Variants in GRAMD2A observed in about 807,000 individuals in gnomAD.
The protein encoded by GRAMD2A is GRAM domain-containing protein 2A.
GRAMD2A carries 37 observed loss-of-function variants against 51.1 expected under a neutral mutation model. The observed-to-expected ratio is 0.72, with a 90% CI of 0.56 to 0.95. GRAMD2A has a LOEUF of 0.95. Ranked by LOEUF, GRAMD2A falls within the 40% of genes least tolerant of loss-of-function variation. The probability of loss-of-function intolerance (pLI) is 0.00; values close to 1 mark genes in which losing one functional copy is unlikely to be tolerated. For missense variants in GRAMD2A, 414 were observed against 426.9 expected, an observed-to-expected ratio of 0.97 and a Z score of 0.27; for synonymous variants, 136 against 157.1, an observed-to-expected ratio of 0.87 and a Z score of 1.01.
chr15:72,181,981 A>G (rs575142591), intron 1 of GRAMD2A, among the ~76,000 whole-genome samples: 18 of 152,344 alleles, frequency 1.2e-4, no homozygotes, highest in African/African-American at 3.6e-4. Context: ...GGGGGAAATA[A>G]AAGTCTTTTC....
chr15:72,160,329 G>C lies in GRAMD2A; in HGVS notation c.*1680C>G, dbSNP rs1367729218. ...ACGGATGAAAGGGTGAAAGGGGCTG[G>C]TTCCAAAAAAAAAAAAAAAAAAAGG... On this transcript the variant is annotated 3_prime_UTR_variant, in exon 12 of 12. Transcript: ENST00000309731. The C allele has an allele frequency of 2.3e-5, 2 of 85,160 alleles. No homozygotes were observed. The highest frequency in any genetic ancestry group is 4.7e-5 in the Non-Finnish European group (2 of 42,486). The allele number at this position is 85,160 out of a possible 1,614,324, so 5.3% of individuals were successfully genotyped here. A position where few individuals can be genotyped will look rare whatever the true frequency, so the allele number is the denominator to read the frequency against.
chr15:72,187,151 ACT>A (rs1331376562), intron 1 of GRAMD2A, among the ~76,000 whole-genome samples: 1 of 150,882 alleles, frequency 6.6e-6, no homozygotes, highest in East Asian at 1.9e-4. Flanking sequence ...CAAGAGCAAA[ACT>A]CTGTCTCAAA....
chr15:72,163,841 T>C, intron 8 of GRAMD2A, 84 bp from the exon 9 acceptor site: 1 of 1,432,056 alleles, frequency 7.0e-7, no homozygotes, highest in Non-Finnish European at 9.5e-7. Context: ...TTTATCAGAG[T>C]TTTCTCCAGA....
At chr15:72,172,182 A>C (rs532406962) in intron 1 of GRAMD2A, among the ~76,000 whole-genome samples, 1 of 150,872 alleles carries the variant, frequency 6.6e-6, no homozygotes, top group Non-Finnish European at 1.5e-5. Context: ...ACAGTGGCGC[A>C]ATCTTGGTTC....
At chr15:72,195,529 C>T (rs181278426) in intron 1 of GRAMD2A, among the ~76,000 whole-genome samples, 4 of 152,084 alleles carry the variant, frequency 2.6e-5, no homozygotes, top group Admixed American at 6.5e-5. Flanking sequence ...TGGGTACTGC[C>T]GACCTCAACC....
chr15:72,197,442 C>T (rs2081817002), intron 1 of GRAMD2A, among the ~76,000 whole-genome samples: 1 of 152,162 alleles, frequency 6.6e-6, no homozygotes, highest in Non-Finnish European at 1.5e-5. Context: ...GGAGGGTGCC[C>T]TTCCTTGCCC....
intron 1 of GRAMD2A, among the ~76,000 whole-genome samples, chr15:72,191,515 T>C (rs2081767910): frequency 6.6e-6 from 1 of 152,172 alleles, no homozygotes; most frequent in Non-Finnish European, 1.5e-5. Flanking sequence ...GAACACATCT[T>C]TTTATAGAAA....
chr15:72,178,719 C>T (rs537824893), intron 1 of GRAMD2A, among the ~76,000 whole-genome samples: 38 of 151,616 alleles, frequency 2.5e-4, no homozygotes, highest in Admixed American at 5.9e-4. Flanking sequence ...GGACTACAGG[C>T]GCCCGCCACC....
chr15:72,190,192 T>C (rs181613674), intron 1 of GRAMD2A, among the ~76,000 whole-genome samples: 66 of 152,008 alleles, frequency 4.3e-4, no homozygotes, highest in African/African-American at 1.0e-3. Flanking sequence ...CTGGCTAACA[T>C]GGTGAAACCC....
At chr15:72,181,540 G>A (rs764481534) in intron 1 of GRAMD2A, among the ~76,000 whole-genome samples, 1 of 152,236 alleles carries the variant, frequency 6.6e-6, no homozygotes, top group African/African-American at 2.4e-5. Context: ...ATGATGTCTT[G>A]GACTGGGTGG....
intron 1 of GRAMD2A, among the ~76,000 whole-genome samples, chr15:72,182,745 G>C (rs767854042): frequency 2.0e-5 from 3 of 152,178 alleles, no homozygotes; most frequent in African/African-American, 7.2e-5. Flanking sequence ...TAGAGTAGTT[G>C]AATTCATAGA....
intron 3 of GRAMD2A, 100 bp downstream of exon 3, chr15:72,168,839 T>C: frequency 9.1e-7 from 1 of 1,094,162 alleles, no homozygotes; most frequent in Non-Finnish European, 1.4e-6. Context: ...CCTGATTTCC[T>C]GATGACAGGC....
At position 72,193,546 on chromosome 15, in the gene GRAMD2A, G is replaced by A. The variant is rs1004475832; in HGVS notation, c.41+4185C>T. 3.6e-5 allele frequency among the ~76,000 whole-genome samples: 5 copies of A among 137,634 alleles called. No individual in the cohort carries two copies. In the East Asian group the frequency reaches 6.6e-4, roughly 18 times the overall value. 90.3% of individuals were successfully genotyped at this position (137,634 alleles called of 152,430 possible). On this transcript the variant is annotated intron_variant, in intron 1 of 11. Transcript: ENST00000309731. ...GCATTTCTTTTTTTTTTTTCGAGAC[G>A]CAGTCTTGCTCTGTCGCCCAGGCTG...
intron 1 of GRAMD2A, among the ~76,000 whole-genome samples, chr15:72,194,219 AG>A (rs1475101914): frequency 2.0e-5 from 3 of 152,238 alleles, no homozygotes; most frequent in Admixed American, 6.5e-5. Context: ...CTTTCCTGGA[AG>A]GGAGAAAAAT....
chr15:72,184,562 G>A (rs1382404425), intron 1 of GRAMD2A, among the ~76,000 whole-genome samples: 14 of 152,234 alleles, frequency 9.2e-5, no homozygotes, highest in Admixed American at 9.2e-4. Context: ...GGACGCCCGC[G>A]TGGGGACGGG....
chr15:72,182,381 A>C (rs987878083), intron 1 of GRAMD2A, among the ~76,000 whole-genome samples: 3 of 151,622 alleles, frequency 2.0e-5, no homozygotes, highest in Non-Finnish European at 4.4e-5. Context: ...AAAAAAAAAA[A>C]AAAACCCAAA....
chr15:72,175,132 C>T (rs575690966), intron 1 of GRAMD2A, among the ~76,000 whole-genome samples: 1 of 152,236 alleles, frequency 6.6e-6, no homozygotes, highest in Non-Finnish European at 1.5e-5. Context: ...ATACTCCACT[C>T]ATTCTTCTCC....
intron 10 of GRAMD2A, 32 bp downstream of exon 10, chr15:72,163,234 G>A: frequency 6.8e-7 from 1 of 1,470,530 alleles, no homozygotes. Flanking sequence ...CATGCAGGTG[G>A]GTCTGTCCCC....
chr15:72,162,142 G>T, intron 11 of GRAMD2A, 130 bp from the exon 12 acceptor site: 2 of 1,357,262 alleles, frequency 1.5e-6, no homozygotes, highest in Non-Finnish European at 2.1e-6. Context: ...CCTGCACGCT[G>T]CCCAACCTTG....
Sources: allele counts gnomAD v4.1 joint callset (sites outside exome capture counted in the v4.1 genomes callset), GRCh38; gene constraint gnomAD v4.1.1; transcripts MANE v1.5; gene names NCBI Gene and HGNC (gene_info 2026-07-23, HGNC 2026-07-21).